NRXN1: variants seen among roughly 807,000 people sequenced by gnomAD.
NRXN1 encodes neurexin-1.
A neutral mutation model predicts 150.9 loss-of-function variants in NRXN1; 39 were observed. That is an observed-to-expected ratio of 0.26 (90% CI 0.20 to 0.34). The LOEUF (loss-of-function observed/expected upper bound fraction) is 0.34, where lower values mean the gene tolerates loss of function less well. Ranked by LOEUF, NRXN1 falls within the 10% of genes least tolerant of loss-of-function variation. NRXN1 has a pLI of 1.00. For synonymous variants in NRXN1, 924 were observed against 757.0 expected, an observed-to-expected ratio of 1.22 and a Z score of -3.62; for missense variants, 1,815 against 1,949.9, an observed-to-expected ratio of 0.93 and a Z score of 1.30.
chr2:50,950,410 C>T (rs943089585), intron 2 of NRXN1, among the ~76,000 whole-genome samples: 1 of 152,208 alleles, frequency 6.6e-6, no homozygotes, highest in African/African-American at 2.4e-5. Context: ...TGGAGAAGCA[C>T]ATTAACTCAG....
At chr2:50,507,641 A>AAG (rs2092294025) in intron 12 of NRXN1, among the ~76,000 whole-genome samples, 1 of 149,884 alleles carries the variant, frequency 6.7e-6, no homozygotes, top group African/African-American at 2.5e-5. Context: ...CACCTCAAAA[A>AAG]AAAAAAAAAA....
chr2:50,460,544 G>T (rs991081143), intron 17 of NRXN1, among the ~76,000 whole-genome samples: 2 of 151,908 alleles, frequency 1.3e-5, no homozygotes, highest in East Asian at 3.9e-4. Context: ...AATATAAAAA[G>T]ACCAATGCTT....
intron 17 of NRXN1, among the ~76,000 whole-genome samples, chr2:50,279,302 A>G (rs749948188): frequency 6.6e-6 from 1 of 152,228 alleles, no homozygotes; most frequent in South Asian, 2.1e-4. Flanking sequence ...AGGAAAATAG[A>G]TCAATCTAAA....
chr2:50,412,550 C>CT (rs11297449), intron 17 of NRXN1, among the ~76,000 whole-genome samples: 1 of 151,044 alleles, frequency 6.6e-6, no homozygotes, highest in African/African-American at 2.4e-5. Flanking sequence ...TAATGTTTTG[C>CT]TTTTTTTTCA....
intron 2 of NRXN1, among the ~76,000 whole-genome samples, chr2:50,988,778 T>C (rs1473902401): frequency 2.6e-5 from 4 of 151,998 alleles, no homozygotes; most frequent in African/African-American, 9.7e-5. Flanking sequence ...AAATGGTTTT[T>C]CCCCAGTTTA....
chr2:50,752,503 G>T (rs1700712185), intron 5 of NRXN1, among the ~76,000 whole-genome samples: 1 of 151,882 alleles, frequency 6.6e-6, no homozygotes, highest in Non-Finnish European at 1.5e-5. Context: ...TCAAACTGCT[G>T]ATCTGGAGAG....
intron 5 of NRXN1, among the ~76,000 whole-genome samples, chr2:50,675,482 T>C (rs530798062): frequency 6.6e-6 from 1 of 152,150 alleles, no homozygotes; most frequent in Non-Finnish European, 1.5e-5. Context: ...TAGACTTGGC[T>C]TGCTGTATAA....
intron 2 of NRXN1, among the ~76,000 whole-genome samples, chr2:50,969,445 TTGA>T (rs1319644502): frequency 6.6e-6 from 1 of 152,142 alleles, no homozygotes; most frequent in Non-Finnish European, 1.5e-5. Flanking sequence ...ATAAACTCTC[TTGA>T]TGAATTTACC....
At chr2:50,782,273 A>T (rs923525420) in intron 5 of NRXN1, among the ~76,000 whole-genome samples, 29 of 152,092 alleles carry the variant, frequency 1.9e-4, no homozygotes, top group African/African-American at 7.0e-4. Context: ...GTTTGAGACC[A>T]TCCTGGCCAA....
intron 5 of NRXN1, among the ~76,000 whole-genome samples, chr2:50,812,198 C>G (rs1038106760): frequency 5.3e-5 from 8 of 152,128 alleles, no homozygotes; most frequent in Non-Finnish European, 1.0e-4. Context: ...AAAACAGTCA[C>G]TGGTTGCTTC....
chr2:50,760,040 T>C (rs1378125137), intron 5 of NRXN1, among the ~76,000 whole-genome samples: 2 of 151,870 alleles, frequency 1.3e-5, no homozygotes, highest in Admixed American at 1.3e-4. Context: ...CAGTTTACAC[T>C]TCAAGAAACT....
chr2:50,146,251 A>G (rs1355415470), intron 18 of NRXN1, among the ~76,000 whole-genome samples: 1 of 151,664 alleles, frequency 6.6e-6, no homozygotes, highest in African/African-American at 2.4e-5. Context: ...TCGTTCAACC[A>G]TTGTGGAAGA....
chr2:50,045,156 CCAACAACAA>C (rs150907464), intron 21 of NRXN1, among the ~76,000 whole-genome samples: 90,789 of 150,676 alleles, frequency 0.6, 27,614 homozygotes, highest in Middle Eastern at 0.67. Flanking sequence ...TTCAGTGATA[CCAACAACAA>C]CAACAACAAC....
At chr2:50,567,638 T>C (rs1014006561) in intron 8 of NRXN1, among the ~76,000 whole-genome samples, 10 of 152,174 alleles carry the variant, frequency 6.6e-5, no homozygotes, top group Non-Finnish European at 1.5e-4. Context: ...TGCAATACAA[T>C]ATTATTCTAA....
At chr2:50,159,267 A>G (rs2059219996) in intron 18 of NRXN1, among the ~76,000 whole-genome samples, 1 of 152,130 alleles carries the variant, frequency 6.6e-6, no homozygotes, top group African/African-American at 2.4e-5. Context: ...CAACAAAGAC[A>G]AACATTCTGT....
At chr2:50,079,485 G>C (rs938086694) in intron 19 of NRXN1, among the ~76,000 whole-genome samples, 1 of 151,916 alleles carries the variant, frequency 6.6e-6, no homozygotes, top group African/African-American at 2.4e-5. Flanking sequence ...AAAATTTCTT[G>C]ATCTTTGCTC....
chr2:50,458,345 G>A (rs1396335869), intron 17 of NRXN1, among the ~76,000 whole-genome samples: 1 of 152,040 alleles, frequency 6.6e-6, no homozygotes, highest in Non-Finnish European at 1.5e-5. Flanking sequence ...ATAAAGATAA[G>A]TAGAAGAAAT....
chr2:50,904,211 C>A (rs990593971), intron 5 of NRXN1, among the ~76,000 whole-genome samples: 2 of 152,054 alleles, frequency 1.3e-5, no homozygotes, highest in African/African-American at 4.8e-5. Flanking sequence ...GACTGAAATA[C>A]ATGAGACAAG....
intron 5 of NRXN1, among the ~76,000 whole-genome samples, chr2:50,760,141 A>C (rs557733740): frequency 6.6e-6 from 1 of 151,842 alleles, no homozygotes; most frequent in South Asian, 2.1e-4. Context: ...AATTGTTATG[A>C]TTCATTATTC....
Sources: gnomAD v4.1 joint callset for allele counts (sites outside exome capture counted in the v4.1 genomes callset) on GRCh38, gnomAD v4.1.1 for gene constraint, MANE v1.5 for transcripts, NCBI Gene and HGNC (gene_info 2026-07-23, HGNC 2026-07-21) for gene names.